KYNU: variants seen among roughly 807,000 people sequenced by gnomAD.
KYNU encodes the protein kynureninase.
In KYNU, 54 loss-of-function variants were observed where a neutral mutation model predicts 59.2. That is an observed-to-expected ratio of 0.91 (90% CI 0.73 to 1.14). The LOEUF (loss-of-function observed/expected upper bound fraction) is 1.14, where lower values mean the gene tolerates loss of function less well. Among genes scored for constraint, KYNU ranks in the 50% most tolerant of loss-of-function variants. The pLI is 0.00. For missense variants in KYNU, 567 were observed against 554.4 expected (o/e 1.02, Z -0.23); for synonymous variants, 177 against 192.0 (o/e 0.92, Z 0.65).
In KYNU at chr2:143,042,636, G is replaced by GTT. The variant is rs1687092078; in HGVS notation, c.*465_*466insTT. ...TATATATATATATATATATATGTGT[G>GTT]TGTGTGTGTGTGTATATATATATAT... On this transcript the variant is annotated 3_prime_UTR_variant, in exon 14 of 14. Coordinates refer to ENST00000264170, the MANE Select transcript of KYNU (RefSeq NM_003937.3). The GTT allele has an allele frequency of 1.1e-5, 1 of 90,542 alleles. No homozygotes were observed. Among genetic ancestry groups the GTT allele is most frequent in the Non-Finnish European group, 2.5e-5 (1 of 40,498 alleles). 5.6% of individuals were successfully genotyped at this position (90,542 alleles called of 1,614,324 possible).
At chr2:142,957,802 C>A in intron 7 of KYNU, 87 bp downstream of exon 7, 1 of 844,160 alleles carries the variant, frequency 1.2e-6, no homozygotes, top group Non-Finnish European at 2.0e-6. Context: ...TTAAAATCTT[C>A]ATTACTTTAA....
intron 2 of KYNU, among the ~76,000 whole-genome samples, chr2:142,909,074 G>A (rs1682394024): frequency 6.6e-6 from 1 of 151,978 alleles, no homozygotes; most frequent in Non-Finnish European, 1.5e-5. Flanking sequence ...AGACTATCTG[G>A]TACTTGTATC....
At chr2:142,931,205 T>C (rs1683203990) in intron 4 of KYNU, among the ~76,000 whole-genome samples, 1 of 152,160 alleles carries the variant, frequency 6.6e-6, no homozygotes, top group South Asian at 2.1e-4. Flanking sequence ...GAGTTATTCA[T>C]CTCCTTAAGC....
Position 142,984,056 on chromosome 2 carries a change from T to G in KYNU, c.730-1028T>G, listed in dbSNP as rs2105155677. Among the ~76,000 whole-genome samples, 2 of 152,142 alleles carry G rather than the reference T, an allele frequency of 1.3e-5. 1 individual carries two copies. The highest frequency in any genetic ancestry group is 6.8e-3 in the Middle Eastern group (2 of 294). On this transcript the variant is annotated intron_variant, in intron 8 of 13. Transcript: ENST00000264170. ...TCAGAATTTGACAAGTGAGAACTTTTTAGGAGTTCTGGTATGGAATTTGAA... is the reference window on the plus strand; with the variant it reads ...TCAGAATTTGACAAGTGAGAACTTTGTAGGAGTTCTGGTATGGAATTTGAA...
intron 10 of KYNU, among the ~76,000 whole-genome samples, chr2:143,023,041 CTT>C (rs1033046715): frequency 2.0e-5 from 3 of 151,808 alleles, no homozygotes; most frequent in African/African-American, 7.2e-5. Context: ...TTTTATAACA[CTT>C]TTTAGTCTTA....
intron 8 of KYNU, among the ~76,000 whole-genome samples, chr2:142,965,155 C>T (rs1270351260): frequency 1.3e-5 from 2 of 152,152 alleles, no homozygotes; most frequent in Non-Finnish European, 2.9e-5. Flanking sequence ...TGCATCTTCC[C>T]ACTACATCCG....
chr2:142,964,043 T>G (rs1427041694), intron 8 of KYNU, among the ~76,000 whole-genome samples: 1 of 152,278 alleles, frequency 6.6e-6, no homozygotes, highest in Non-Finnish European at 1.5e-5. Context: ...TATAAAGTTT[T>G]TTTTTGTGTT....
intron 11 of KYNU, among the ~76,000 whole-genome samples, chr2:143,031,341 G>A (rs1686730806): frequency 6.6e-6 from 1 of 152,138 alleles, no homozygotes; most frequent in Non-Finnish European, 1.5e-5. Flanking sequence ...AGTCTCTGTG[G>A]CAAATACTCA....
chr2:143,019,846 T>G (rs986230921), intron 10 of KYNU, among the ~76,000 whole-genome samples: 5 of 152,046 alleles, frequency 3.3e-5, no homozygotes, highest in Admixed American at 1.3e-4. Context: ...TGTTTCTTCA[T>G]AGTTCAACCC....
At chr2:142,899,763 G>A (rs576420766) in intron 2 of KYNU, among the ~76,000 whole-genome samples, 14 of 152,188 alleles carry the variant, frequency 9.2e-5, no homozygotes, top group Non-Finnish European at 1.0e-4. Context: ...TTAACAAGGA[G>A]GTTAAAGATA....
At position 142,985,164 on chromosome 2, in the gene KYNU, C is replaced by T; in HGVS notation, c.810C>T (p.Ala270=). ...TACATGACTGGGGAGTTGATTTTGC[C>T]TGCTGGTGTTCCTACAAGGTACAAA... The part of the protein sequence containing the change: ...LYLHDWGVDF[A]CWCSYKYLNA... The change falls in exon 9 of 14, where the codon GCC becomes GCT. Residue 270 remains alanine (A), a synonymous_variant. Coordinates refer to ENST00000264170, the MANE Select transcript of KYNU (RefSeq NM_003937.3). 1 of 1,603,324 alleles carries T rather than the reference C, an allele frequency of 6.2e-7. No homozygotes were observed. The highest frequency in any genetic ancestry group is 1.7e-5 in the Admixed American group (1 of 59,792).
chr2:143,039,537 G>C (rs551999768), intron 12 of KYNU, among the ~76,000 whole-genome samples: 1 of 152,148 alleles, frequency 6.6e-6, no homozygotes, highest in Non-Finnish European at 1.5e-5. Flanking sequence ...TATGTTCCCG[G>C]ACCAAATTGA....
At chr2:142,920,417 A>G (rs1682838887) in intron 3 of KYNU, among the ~76,000 whole-genome samples, 1 of 152,204 alleles carries the variant, frequency 6.6e-6, no homozygotes, top group Non-Finnish European at 1.5e-5. Context: ...TGCCTCTTGG[A>G]TATTCATTCA....
At chr2:143,012,649 G>A (rs531898905) in intron 10 of KYNU, among the ~76,000 whole-genome samples, 43 of 152,242 alleles carry the variant, frequency 2.8e-4, no homozygotes, top group Non-Finnish European at 5.4e-4. Context: ...GTAAAAGGTC[G>A]CTGTAGTGAA....
Position 143,048,267 on chromosome 2 carries a change from T to C in KYNU, c.*6095T>C, listed in dbSNP as rs1355763825. 2 of 152,240 alleles carry C rather than the reference T, an allele frequency of 1.3e-5. No individual in the cohort carries two copies. The highest frequency in any genetic ancestry group is 2.4e-5 in the African/African-American group (1 of 41,466). The allele number at this position is 152,240 out of a possible 1,614,324, so 9.4% of individuals were successfully genotyped here. On this transcript the variant is annotated 3_prime_UTR_variant, in exon 14 of 14. Transcript: ENST00000264170. ...TATTTGTGTGGAAATTATACACTTA[T>C]TCTTTGTTATTTTAGCAATTACTCT...
intron 1 of KYNU, among the ~76,000 whole-genome samples, chr2:142,879,244 A>G (rs1681207648): frequency 6.6e-6 from 1 of 152,176 alleles, no homozygotes; most frequent in African/African-American, 2.4e-5. Context: ...CTGGGAACTA[A>G]AGACTATATT....
chr2:143,040,406 C>A, intron 12 of KYNU, 22 bp from the exon 13 acceptor site: 1 of 1,565,414 alleles, frequency 6.4e-7, no homozygotes, highest in East Asian at 2.2e-5. Context: ...ACACTTTAAT[C>A]TGATTGTTTC....
intron 8 of KYNU, among the ~76,000 whole-genome samples, chr2:142,979,489 AAAGAATCTTCACTC>A (rs1391010178): frequency 6.6e-6 from 1 of 152,184 alleles, no homozygotes; most frequent in South Asian, 2.1e-4. Context: ...AAAGATGGTT[AAAGAATCTTCACTC>A]AAAGTTATCT....
intron 10 of KYNU, among the ~76,000 whole-genome samples, chr2:142,995,373 A>T (rs1418058663): frequency 6.6e-6 from 1 of 152,138 alleles, no homozygotes; most frequent in East Asian, 1.9e-4. Context: ...AGGTAATTGA[A>T]TATGTAACAG....
Sources: allele counts gnomAD v4.1 joint callset (sites outside exome capture counted in the v4.1 genomes callset), GRCh38; gene constraint gnomAD v4.1.1; transcripts MANE v1.5; gene names NCBI Gene and HGNC (gene_info 2026-07-23, HGNC 2026-07-21).